Variants in C12orf42 observed in about 807,000 individuals in gnomAD.
C12orf42 encodes the protein chromosome 12 open reading frame 42.
A neutral mutation model predicts 21.6 loss-of-function variants in C12orf42; 25 were observed. The observed-to-expected ratio is 1.16, with a 90% CI of 0.84 to 1.62. The LOEUF is 1.62. Among genes scored for constraint, C12orf42 ranks in the 40% most tolerant of loss-of-function variants. C12orf42 has a pLI of 0.00. For missense variants in C12orf42, 483 were observed against 459.3 expected, an observed-to-expected ratio of 1.05 and a Z score of -0.47; for synonymous variants, 174 against 175.0, an observed-to-expected ratio of 0.99 and a Z score of 0.05.
At chr12:103,280,240 T>C (rs1043211774) in intron 4 of C12orf42, among the ~76,000 whole-genome samples, 1 of 152,144 alleles carries the variant, frequency 6.6e-6, no homozygotes, top group Non-Finnish European at 1.5e-5. Context: ...ATTGTAGTAG[T>C]GGAGCAGGGA....
chr12:103,339,075 A>T (rs1455801493), intron 4 of C12orf42, among the ~76,000 whole-genome samples: 1 of 152,230 alleles, frequency 6.6e-6, no homozygotes, highest in Non-Finnish European at 1.5e-5. Context: ...AATAAATTAG[A>T]TTTAGAATCC....
chr12:103,368,097 TG>T, intron 4 of C12orf42: 1 of 1,278,724 alleles, frequency 7.8e-7, no homozygotes, highest in South Asian at 1.2e-5. Flanking sequence ...TTCAGGTCAG[TG>T]AAATGGTCCT....
the C12orf42 span, among the ~76,000 whole-genome samples, chr12:103,079,776 T>C: frequency 7.2e-5 from 11 of 152,212 alleles, no homozygotes; most frequent in African/African-American, 2.7e-4. Context: ...CAGATTTGCC[T>C]GGCAGGGAAT....
chr12:103,393,078 T>C lies in C12orf42; in HGVS notation c.147+8529A>G, dbSNP rs184528484. On this transcript the variant is annotated intron_variant, in intron 3 of 5. Transcript: ENST00000548883. ...CAAAGTTATTTTTATTTAATTCCTTTTTTGGTCAGTCAACCAGAATCAGTT... is the reference window on the plus strand; with the variant it reads ...CAAAGTTATTTTTATTTAATTCCTTCTTTGGTCAGTCAACCAGAATCAGTT... Among the ~76,000 whole-genome samples, 372 of 152,314 alleles carry C rather than the reference T, an allele frequency of 2.4e-3. 1 individual carries two copies. The highest frequency in any genetic ancestry group is 1.5e-3 in the Non-Finnish European group (105 of 68,020).
chr12:103,329,296 C>T (rs2041000356), intron 4 of C12orf42, among the ~76,000 whole-genome samples: 1 of 152,096 alleles, frequency 6.6e-6, no homozygotes, highest in Non-Finnish European at 1.5e-5. Context: ...CAGCATGTCA[C>T]CTTATAGTTT....
intron 5 of C12orf42, chr12:103,273,807 G>A: frequency 2.2e-6 from 1 of 456,204 alleles, no homozygotes; most frequent in South Asian, 1.5e-5. Flanking sequence ...GACTTCATGG[G>A]TCTGAGTCAG....
chr12:103,289,614 ATAC>A (rs2036671710), intron 4 of C12orf42, among the ~76,000 whole-genome samples: 1 of 152,228 alleles, frequency 6.6e-6, no homozygotes, highest in Non-Finnish European at 1.5e-5. Flanking sequence ...TAATTAAATT[ATAC>A]TACAATGATG....
intron 5 of C12orf42, among the ~76,000 whole-genome samples, chr12:103,305,282 C>A (rs748451763): frequency 2.0e-5 from 3 of 152,166 alleles, no homozygotes; most frequent in Non-Finnish European, 2.9e-5. Context: ...TTTTTCCTTA[C>A]ATTTTCTCTC....
the C12orf42 span, among the ~76,000 whole-genome samples, chr12:103,517,833 T>A: frequency 4.6e-5 from 7 of 152,072 alleles, no homozygotes; most frequent in South Asian, 1.5e-3. Flanking sequence ...CTATAAAGAG[T>A]CACAGAGGAC....
chr12:103,432,003 A>G (rs557147430), intron 2 of C12orf42, among the ~76,000 whole-genome samples: 197 of 152,326 alleles, frequency 1.3e-3, no homozygotes, highest in African/African-American at 4.4e-3. Context: ...TGAGAGATCA[A>G]GTGCACAGTT....
chr12:103,137,746 G>A, the C12orf42 span, among the ~76,000 whole-genome samples: 1 of 152,142 alleles, frequency 6.6e-6, no homozygotes, highest in Non-Finnish European at 1.5e-5. Flanking sequence ...GGAGGGCGTT[G>A]TGTTCATTGA....
intron 2 of C12orf42, among the ~76,000 whole-genome samples, chr12:103,449,096 T>C (rs1951767339): frequency 6.6e-6 from 1 of 150,386 alleles, no homozygotes; most frequent in South Asian, 2.1e-4. Context: ...GATAGATAGA[T>C]AGATAGATAG....
At chr12:103,531,489 T>C in the C12orf42 span, among the ~76,000 whole-genome samples, 2 of 152,280 alleles carry the variant, frequency 1.3e-5, no homozygotes, top group South Asian at 2.1e-4. Context: ...GTTTTTCTAA[T>C]CTGGGTCTTC....
chr12:103,477,354 A>G (rs958303927), intron 2 of C12orf42, among the ~76,000 whole-genome samples: 4 of 152,118 alleles, frequency 2.6e-5, no homozygotes, highest in Admixed American at 2.6e-4. Context: ...GTGAGCACCA[A>G]GTCTGGAGGG....
the C12orf42 span, among the ~76,000 whole-genome samples, chr12:103,509,926 T>G: frequency 6.6e-6 from 1 of 152,204 alleles, no homozygotes; most frequent in Non-Finnish European, 1.5e-5. Flanking sequence ...CTAGTACAAC[T>G]GCTGTAGAAA....
the C12orf42 span, among the ~76,000 whole-genome samples, chr12:103,200,202 A>G: frequency 6.6e-6 from 1 of 152,218 alleles, no homozygotes; most frequent in Non-Finnish European, 1.5e-5. Context: ...CTTAGAGGAC[A>G]TTATGCTAAA....
the C12orf42 span, among the ~76,000 whole-genome samples, chr12:103,507,904 C>T: frequency 9.9e-5 from 15 of 152,208 alleles, no homozygotes; most frequent in East Asian, 3.9e-4. Context: ...TTCTGGAGGA[C>T]GTGGATGTGA....
chr12:103,170,937 C>T, the C12orf42 span, among the ~76,000 whole-genome samples: 1 of 152,090 alleles, frequency 6.6e-6, no homozygotes, highest in Non-Finnish European at 1.5e-5. Context: ...TTTGAGGTTG[C>T]ACATCAGGAC....
At chr12:103,281,472 C>T (rs2036113808) in intron 4 of C12orf42, among the ~76,000 whole-genome samples, 2 of 152,088 alleles carry the variant, frequency 1.3e-5, no homozygotes, top group African/African-American at 4.8e-5. Flanking sequence ...ATGCCATTCT[C>T]CTGCCTCAGC....
Sources: allele counts gnomAD v4.1 joint callset (sites outside exome capture counted in the v4.1 genomes callset), GRCh38; gene constraint gnomAD v4.1.1; transcripts MANE v1.5; gene names NCBI Gene and HGNC (gene_info 2026-07-23, HGNC 2026-07-21).